DCUN1D4: variants seen among roughly 807,000 people sequenced by gnomAD.
DCUN1D4 encodes the protein defective in cullin neddylation 1 domain containing 4.
DCUN1D4 carries 22 observed loss-of-function variants against 47.9 expected under a neutral mutation model. The observed-to-expected ratio is 0.46, with a 90% CI of 0.33 to 0.66. The LOEUF is 0.66. Ranked by LOEUF, DCUN1D4 falls within the 30% of genes least tolerant of loss-of-function variation. The pLI is 0.02. For synonymous variants in DCUN1D4, 121 were observed against 112.2 expected, an observed-to-expected ratio of 1.08 and a Z score of -0.50; for missense variants, 301 against 340.8, an observed-to-expected ratio of 0.88 and a Z score of 0.92.
chr4:51,855,777 C>G (rs1043038024), intron 1 of DCUN1D4, among the ~76,000 whole-genome samples: 1 of 152,094 alleles, frequency 6.6e-6, no homozygotes, highest in Non-Finnish European at 1.5e-5. Context: ...TGTAATGCAT[C>G]CTTTGTGGGT....
upstream of DCUN1D4, among the ~76,000 whole-genome samples, chr4:51,838,788 G>A (rs1301484519): frequency 3.3e-5 from 5 of 152,158 alleles, no homozygotes; most frequent in African/African-American, 9.7e-5. Context: ...AAAAAGAGAA[G>A]GAACTGGCCA....
At chr4:51,890,630 A>T (rs1730274906) in intron 6 of DCUN1D4, among the ~76,000 whole-genome samples, 1 of 152,086 alleles carries the variant, frequency 6.6e-6, no homozygotes, top group African/African-American at 2.4e-5. Flanking sequence ...CCTCTTCTTT[A>T]CCTTTTTAGG....
At chr4:51,844,279 A>AG (rs1335787673) in intron 1 of DCUN1D4, 2 of 882,328 alleles carry the variant, frequency 2.3e-6, no homozygotes, top group East Asian at 1.7e-4. Flanking sequence ...GGTCCCTTGA[A>AG]GGGGGGAGTC....
intron 5 of DCUN1D4, among the ~76,000 whole-genome samples, chr4:51,882,180 T>C (rs1728751358): frequency 6.6e-6 from 1 of 152,140 alleles, no homozygotes; most frequent in Non-Finnish European, 1.5e-5. Flanking sequence ...AGCAACACTA[T>C]AAAATTGGGA....
chr4:51,842,704 G>C (rs1248790883), upstream of DCUN1D4, among the ~76,000 whole-genome samples: 2 of 152,200 alleles, frequency 1.3e-5, no homozygotes, highest in African/African-American at 4.8e-5. Context: ...ACTTCCAGCA[G>C]CTGGTACGAG....
chr4:51,848,259 C>G, intron 1 of DCUN1D4: 1 of 1,289,296 alleles, frequency 7.8e-7, no homozygotes, highest in Non-Finnish European at 1.0e-6. Context: ...GAGTAAAATG[C>G]TGGTGATGTG....
chr4:51,849,611 T>C (rs1469589673), intron 1 of DCUN1D4, among the ~76,000 whole-genome samples: 1 of 152,052 alleles, frequency 6.6e-6, no homozygotes, highest in Non-Finnish European at 1.5e-5. Flanking sequence ...GAGGACACAG[T>C]CGATATCAGC....
At chr4:51,894,683 C>T (rs1730962002) in intron 7 of DCUN1D4, among the ~76,000 whole-genome samples, 1 of 152,110 alleles carries the variant, frequency 6.6e-6, no homozygotes, top group South Asian at 2.1e-4. Flanking sequence ...AGTAGTCGAT[C>T]TTTAAACTAT....
At chr4:51,912,723 C>T (rs1022574425) in intron 9 of DCUN1D4, among the ~76,000 whole-genome samples, 3 of 152,182 alleles carry the variant, frequency 2.0e-5, no homozygotes, top group Non-Finnish European at 4.4e-5. Flanking sequence ...ATTATTAGAA[C>T]AGTAATTTTT....
intron 1 of DCUN1D4, among the ~76,000 whole-genome samples, chr4:51,848,565 G>A (rs545356733): frequency 5.9e-5 from 9 of 152,162 alleles, no homozygotes; most frequent in Non-Finnish European, 7.3e-5. Context: ...TGGTCAACTC[G>A]AATTGGTATT....
Position 51,894,987 on chromosome 4 carries a change from C to T in DCUN1D4, c.506+3136C>T, listed in dbSNP as rs118179903. On this transcript the variant is annotated intron_variant, in intron 7 of 10. Transcript: ENST00000334635. ...CTGCTTTTTGATTCATAGATGGTGC[C>T]TTCTAACTGGGTCCTCCCATGTTGG... 1.1e-3 allele frequency among the ~76,000 whole-genome samples: 174 copies of T among 152,156 alleles called. 4 individuals carry two copies. The East Asian group carries it at 0.03, about 26-fold the overall frequency.
At chr4:51,838,028 T>C (rs1721540944), upstream of DCUN1D4, among the ~76,000 whole-genome samples, 1 of 152,018 alleles carries the variant, frequency 6.6e-6, no homozygotes, top group Non-Finnish European at 1.5e-5. Context: ...AAATACAAAA[T>C]TAGCCGGGCA....
At chr4:51,843,586 A>G in intron 1 of DCUN1D4, 4 of 974,654 alleles carry the variant, frequency 4.1e-6, no homozygotes, top group East Asian at 1.4e-4. Flanking sequence ...TCCGGGGTGC[A>G]TGGAGGTGGA....
intron 7 of DCUN1D4, among the ~76,000 whole-genome samples, chr4:51,893,530 A>G (rs1264554940): frequency 6.6e-6 from 1 of 151,834 alleles, no homozygotes; most frequent in Non-Finnish European, 1.5e-5. Flanking sequence ...GGTTCAAGTG[A>G]TTCTTGTGCC....
chr4:51,877,880 G>A (rs760113525), intron 5 of DCUN1D4, 26 bp downstream of exon 5: 1 of 1,455,514 alleles, frequency 6.9e-7, no homozygotes, highest in Non-Finnish European at 9.5e-7. Flanking sequence ...TATCATCTAA[G>A]ACTGATCCTT....
chr4:51,853,405 C>G (rs1205760279), intron 1 of DCUN1D4, among the ~76,000 whole-genome samples: 3 of 152,204 alleles, frequency 2.0e-5, no homozygotes, highest in Non-Finnish European at 2.9e-5. Context: ...ACCTTCCTCA[C>G]CTGCTACTTT....
At chr4:51,864,255 T>TG (rs1725543755) in intron 3 of DCUN1D4, among the ~76,000 whole-genome samples, 1 of 152,160 alleles carries the variant, frequency 6.6e-6, no homozygotes, top group South Asian at 2.1e-4. Context: ...TCTGTAGACT[T>TG]GGGGTGGGGC....
chr4:51,840,261 G>GA (rs372140987), upstream of DCUN1D4, among the ~76,000 whole-genome samples: 455 of 142,418 alleles, frequency 3.2e-3, 1 homozygote, highest in South Asian at 7.7e-3. Flanking sequence ...CTACAAATGA[G>GA]AAAAAAAAAA....
intron 8 of DCUN1D4, among the ~76,000 whole-genome samples, chr4:51,900,493 G>C (rs1731944464): frequency 6.6e-6 from 1 of 152,042 alleles, no homozygotes; most frequent in Non-Finnish European, 1.5e-5. Flanking sequence ...CAGCACTTTA[G>C]GAGGCTGAGG....
Sources: gnomAD v4.1 joint callset for allele counts (sites outside exome capture counted in the v4.1 genomes callset) on GRCh38, gnomAD v4.1.1 for gene constraint, MANE v1.5 for transcripts, NCBI Gene and HGNC (gene_info 2026-07-23, HGNC 2026-07-21) for gene names.